WTAP: variants seen among roughly 807,000 people sequenced by gnomAD.
WTAP encodes the protein pre-mRNA-splicing regulator WTAP.
WTAP carries 8 observed loss-of-function variants against 50.0 expected under a neutral mutation model. The observed-to-expected ratio is 0.16, with a 90% CI of 0.09 to 0.29. WTAP has a LOEUF of 0.29. Among genes scored for constraint, WTAP ranks in the 10% least tolerant of loss-of-function variants. The pLI, the probability that WTAP is intolerant of heterozygous loss-of-function variation, is 1.00. For missense variants in WTAP, 295 were observed against 470.7 expected (o/e 0.63, Z 3.45); for synonymous variants, 194 against 169.0 (o/e 1.15, Z -1.15).
chr6:159,755,178 G>A lies in WTAP; in HGVS notation c.758G>A (p.Arg253Lys), dbSNP rs1271548255. ...CAGGCCTCTGCCCCAAGTACCAGCA[G>A]GACTACAGCTTCTGAACCTGTAGAA... ...QSQASAPSTS[R>K]TTASEPVEQS... The change falls in exon 8 of 8, where the codon AGG (arginine) becomes AAG (lysine). Residue 253 changes from arginine to lysine, a missense_variant. Coordinates refer to ENST00000621533, the MANE Select transcript of WTAP (RefSeq NM_001270531.2). 1.2e-6 allele frequency: 2 copies of A among 1,614,110 alleles called. No individual in the cohort carries two copies. The highest frequency in any genetic ancestry group is 1.7e-6 in the Non-Finnish European group (2 of 1,180,012).
At chr6:159,740,120 CAGGCATGGGCCACCATGCCT>C (rs1196614793) in intron 3 of WTAP, among the ~76,000 whole-genome samples, 2 of 151,866 alleles carry the variant, frequency 1.3e-5, no homozygotes, top group Non-Finnish European at 2.9e-5. Flanking sequence ...GCTGGGATTA[CAGGCATGGGCCACCATGCCT>C]GGCCATGATT....
At chr6:159,740,226 G>A (rs942228152) in intron 3 of WTAP, among the ~76,000 whole-genome samples, 1 of 151,880 alleles carries the variant, frequency 6.6e-6, no homozygotes, top group African/African-American at 2.4e-5. Context: ...AGTCTGTGCA[G>A]TCATTTTTTT....
At chr6:159,741,958 A>C in intron 3 of WTAP, 130 bp from the exon 4 acceptor site, 2 of 708,774 alleles carry the variant, frequency 2.8e-6, no homozygotes, top group South Asian at 1.7e-5. Flanking sequence ...TCTAAAAAAA[A>C]CTAGATTTAA....
At chr6:159,728,848 A>G (rs1241048089) in intron 1 of WTAP, among the ~76,000 whole-genome samples, 3 of 152,218 alleles carry the variant, frequency 2.0e-5, no homozygotes, top group Admixed American at 6.5e-5. Context: ...AAGCAGACAC[A>G]TGGTTTAAAA....
Position 159,755,766 on chromosome 6 carries a change from T to TTTG in WTAP, c.*157_*158insGTT, listed in dbSNP as rs2114963809. 1 of 154,540 alleles carries TTTG rather than the reference T, an allele frequency of 6.5e-6. No individual in the cohort carries two copies. Among genetic ancestry groups the TTTG allele is most frequent in the African/African-American group, 5.6e-5 (1 of 17,992 alleles). 9.6% of individuals were successfully genotyped at this position (154,540 alleles called of 1,614,324 possible). ...TTTTCTTTGTTTTTTTTTTCTTTTC[T>TTTG]TTTTTTTTTTTTTTTTTTTTTTTTG... On this transcript the variant is annotated 3_prime_UTR_variant, in exon 8 of 8. Transcript: ENST00000621533.
rs1779983575 is a variant in WTAP at position 159,755,750 on chromosome 6, T to TTTTTTTTTTTTTTTTTTTTTTTTTTTTTG, written c.*148_*149insTTTTTTTTTTTTTTTTTTTGTTTTTTTTT. On this transcript the variant is annotated 3_prime_UTR_variant, in exon 8 of 8. Coordinates refer to ENST00000621533, the MANE Select transcript of WTAP (RefSeq NM_001270531.2). Reference sequence around the variant, plus strand: ...TTTTTTTTGTTGTTTTTTTTCTTTGTTTTTTTTTTCTTTTCTTTTTTTTTT... The same window carrying TTTTTTTTTTTTTTTTTTTTTTTTTTTTTG: ...TTTTTTTTGTTGTTTTTTTTCTTTGTTTTTTTTTTTTTTTTTTTTTTTTTTTTTGTTTTTTTTTCTTTTCTTTTTTTTTT... 9.4e-7 allele frequency: 1 copy of TTTTTTTTTTTTTTTTTTTTTTTTTTTTTG among 1,066,860 alleles called. No individual in the cohort carries two copies. Among genetic ancestry groups the TTTTTTTTTTTTTTTTTTTTTTTTTTTTTG allele is most frequent in the African/African-American group, 1.8e-5 (1 of 56,516 alleles). 66.1% of individuals were successfully genotyped at this position (1,066,860 alleles called of 1,614,324 possible). A position where few individuals can be genotyped will look rare whatever the true frequency, so the allele number is the denominator to read the frequency against.
Position 159,748,234 on chromosome 6 carries a change from C to T in WTAP, c.317C>T (p.Ala106Val), listed in dbSNP as rs1485278280. The T allele has an allele frequency of 5.6e-6, 9 of 1,613,848 alleles. 1 individual carries two copies. The highest frequency in any genetic ancestry group is 1.7e-5 in the Admixed American group (1 of 59,968). ...YLKQVQQPSVAQLRSTMVDPA... is the reference protein window; with the variant it reads ...YLKQVQQPSVVQLRSTMVDPA... ...AAGCAAGTCCAGCAGCCGAGCGTTG[C>T]CCAACTGAGATCAACAATGGTAGAC... Residue 106 changes from alanine (A) to valine (V), a missense_variant, in exon 6 of 8, where the codon GCC becomes GTC. Physicochemically the swap from Ala to Val is moderately conservative, Grantham distance 64. Around this residue, in one of 2 missense-constraint regions of WTAP, gnomAD observed 120 missense variants for 287.6 expected, o/e 0.42. Coordinates refer to ENST00000621533, the MANE Select transcript of WTAP (RefSeq NM_001270531.2). The surrounding 1 kb of genome is among the most constrained non-coding windows in gnomAD (Gnocchi z 5.6).
chr6:159,727,173 C>T, upstream of WTAP: 2 of 1,204,762 alleles, frequency 1.7e-6, no homozygotes, highest in Non-Finnish European at 2.1e-6. Flanking sequence ...CGCCAGGCTC[C>T]TGGGAAAGGA....
Position 159,730,266 on chromosome 6 carries a change from G to A in WTAP, c.-9+2563G>A, listed in dbSNP as rs574708626. Among the ~76,000 whole-genome samples, 3 of 152,242 alleles carry A rather than the reference G, an allele frequency of 2.0e-5. No individual in the cohort carries two copies. In the East Asian group the frequency reaches 5.8e-4, roughly 29 times the overall value. Reference sequence around the variant, plus strand: ...ATTAAATGTGTGATTCATAAGAACTGAACATATTTTCTTTATTATTTTCCT... The same window carrying A: ...ATTAAATGTGTGATTCATAAGAACTAAACATATTTTCTTTATTATTTTCCT... On this transcript the variant is annotated intron_variant, in intron 1 of 7. Coordinates refer to ENST00000621533, the MANE Select transcript of WTAP (RefSeq NM_001270531.2).
chr6:159,729,323 G>T (rs1459724670), intron 1 of WTAP, among the ~76,000 whole-genome samples: 1 of 152,224 alleles, frequency 6.6e-6, no homozygotes, highest in African/African-American at 2.4e-5. Flanking sequence ...AATTTTTTTA[G>T]TTGTCTCCAA....
Position 159,752,399 on chromosome 6 carries a change from T to C in WTAP, c.453-1061T>C, listed in dbSNP as rs1309452456. On this transcript the variant is annotated intron_variant, in intron 6 of 7. Coordinates refer to ENST00000621533, the MANE Select transcript of WTAP (RefSeq NM_001270531.2). ...TAATTACAAGAACAAGCAAATAATT[T>C]CTCCTTTTATTGCTGAGGCTAAAGA... Among the ~76,000 whole-genome samples, 8 of 152,170 alleles carry C rather than the reference T, an allele frequency of 5.3e-5. No homozygotes were observed. The East Asian group carries it at 1.2e-3, about 22-fold the overall frequency.
chr6:159,726,930 A>G, upstream of WTAP: 1 of 1,288,690 alleles, frequency 7.8e-7, no homozygotes, highest in Non-Finnish European at 1.0e-6. Flanking sequence ...TGGTCCTCCG[A>G]CACGCGGAAG....
intron 5 of WTAP, among the ~76,000 whole-genome samples, chr6:159,745,435 A>G (rs1583096248): frequency 6.7e-6 from 1 of 148,360 alleles, no homozygotes; most frequent in Non-Finnish European, 1.5e-5. Context: ...AACCTTTTCC[A>G]GCTTTTTTTT....
In WTAP at chr6:159,743,800, T is replaced by G; in HGVS notation, c.273+8T>G. ...GAGATGCAAGAGTGTACTGTAAGTA[T>G]TTCAAGTTATATAAATGTCTTTAGT... On this transcript the variant is annotated splice_region_variant and intron_variant, in intron 5 of 7. Transcript: ENST00000621533. 1.9e-6 allele frequency: 3 copies of G among 1,594,336 alleles called. No individual in the cohort carries two copies. The Middle Eastern group carries it at 5.0e-4, about 268-fold the overall frequency.
intron 1 of WTAP, among the ~76,000 whole-genome samples, chr6:159,729,165 G>A (rs1355389365): frequency 1.3e-5 from 2 of 152,192 alleles, no homozygotes; most frequent in African/African-American, 4.8e-5. Flanking sequence ...TTATGGTCTT[G>A]TATGTAGTAT....
intron 1 of WTAP, among the ~76,000 whole-genome samples, chr6:159,729,512 A>G (rs909132024): frequency 2.0e-5 from 3 of 152,186 alleles, no homozygotes; most frequent in African/African-American, 7.2e-5. Context: ...ATAGAATTTA[A>G]TCTTTTCTAA....
intron 7 of WTAP, 26 bp downstream of exon 7, chr6:159,753,640 C>T (rs767747317): frequency 1.5e-5 from 24 of 1,583,038 alleles, no homozygotes; most frequent in Non-Finnish European, 1.9e-5. Context: ...CTTTTTGGAA[C>T]GTTGTCTCAA....
intron 2 of WTAP, chr6:159,736,658 T>C (rs932302436): frequency 6.1e-6 from 1 of 165,108 alleles, no homozygotes; most frequent in African/African-American, 2.4e-5. Flanking sequence ...GAGTATATTA[T>C]TATTCTTTTC....
At position 159,748,238 on chromosome 6, in the gene WTAP, A is replaced by G. The variant is rs1416041584; in HGVS notation, c.321A>G (p.Gln107=). The change falls in exon 6 of 8, where the codon CAA becomes CAG. Residue 107 remains glutamine (Q), a synonymous_variant. Coordinates refer to ENST00000621533, the MANE Select transcript of WTAP (RefSeq NM_001270531.2). This position sits in a 1 kb window ranked among gnomAD's most constrained non-coding sequence, Gnocchi z 5.6. ...LKQVQQPSVA[Q]LRSTMVDPAI... ...AAGTCCAGCAGCCGAGCGTTGCCCA[A>G]CTGAGATCAACAATGGTAGACCCAG... is the stretch of plus-strand genomic sequence containing the variant. The G allele has an allele frequency of 2.5e-6, 4 of 1,614,004 alleles. No homozygotes were observed. The highest frequency in any genetic ancestry group is 1.3e-5 in the African/African-American group (1 of 74,918).
Sources: allele counts gnomAD v4.1 joint callset (sites outside exome capture counted in the v4.1 genomes callset), GRCh38; gene constraint gnomAD v4.1.1; regional missense constraint gnomAD v4.1.1; non-coding constraint Gnocchi (gnomAD v3.1); transcripts MANE v1.5; gene names NCBI Gene and HGNC (gene_info 2026-07-23, HGNC 2026-07-21).